The following PEX14 variants were observed in gnomAD, a reference collection of about 807,000 sequenced individuals.
The protein encoded by PEX14 is peroxisomal membrane protein PEX14.
A neutral mutation model predicts 49.5 loss-of-function variants in PEX14; 15 were observed. The ratio of observed to expected loss-of-function variants is 0.30; its 90% CI spans 0.20 to 0.47. The LOEUF (loss-of-function observed/expected upper bound fraction) is 0.47. Among genes scored for constraint, PEX14 ranks in the 20% least tolerant of loss-of-function variants. The pLI, the probability that PEX14 is intolerant of heterozygous loss-of-function variation, is 1.00. For missense variants in PEX14, 398 were observed against 494.8 expected (o/e 0.80, Z 1.86); for synonymous variants, 210 against 212.7 (o/e 0.99, Z 0.11).
At chr1:10,479,213 C>A (rs1641244200) in intron 1 of PEX14, among the ~76,000 whole-genome samples, 1 of 151,894 alleles carries the variant, frequency 6.6e-6, no homozygotes, top group Admixed American at 6.6e-5. Context: ...CTCGTTCCTA[C>A]TGAAAATTAA....
chr1:10,566,659 T>TTTTG (rs773016740), intron 3 of PEX14, among the ~76,000 whole-genome samples: 17 of 152,146 alleles, frequency 1.1e-4, no homozygotes, highest in East Asian at 5.8e-4. Context: ...TGGCTAATTT[T>TTTTG]TTTGTTTGTT....
At chr1:10,576,236 G>C (rs1247338544) in intron 3 of PEX14, among the ~76,000 whole-genome samples, 1 of 151,830 alleles carries the variant, frequency 6.6e-6, no homozygotes, top group East Asian at 1.9e-4. Context: ...CCAATCTTCT[G>C]ATATTTCCTC....
chr1:10,624,999 T>C (rs1409870519), intron 7 of PEX14, among the ~76,000 whole-genome samples: 2 of 152,076 alleles, frequency 1.3e-5, no homozygotes, highest in African/African-American at 4.8e-5. Context: ...TGTGAAGAAA[T>C]CTTGGCGTGG....
chr1:10,548,144 G>A (rs1243731080), intron 3 of PEX14, among the ~76,000 whole-genome samples: 1 of 152,248 alleles, frequency 6.6e-6, no homozygotes, highest in Non-Finnish European at 1.5e-5. Flanking sequence ...TTGAACCCTG[G>A]AGGCGGAGGT....
chr1:10,601,109 A>G (rs1171428037), intron 4 of PEX14, among the ~76,000 whole-genome samples: 3 of 152,110 alleles, frequency 2.0e-5, no homozygotes, highest in Non-Finnish European at 4.4e-5. Flanking sequence ...TAAAAATACA[A>G]AAATTAGCTG....
chr1:10,557,062 C>CT (rs200327271), intron 3 of PEX14, among the ~76,000 whole-genome samples: 62 of 149,444 alleles, frequency 4.1e-4, no homozygotes, highest in Admixed American at 1.6e-3. Context: ...TCTCATCTTT[C>CT]TTTTTTTTTT....
At chr1:10,564,071 C>T (rs201749773) in intron 3 of PEX14, among the ~76,000 whole-genome samples, 1 of 151,742 alleles carries the variant, frequency 6.6e-6, no homozygotes, top group East Asian at 1.9e-4. Context: ...AGTAGTTTTC[C>T]TATGTGATGT....
chr1:10,540,793 C>T (rs758661890), intron 3 of PEX14, among the ~76,000 whole-genome samples: 15 of 152,102 alleles, frequency 9.9e-5, no homozygotes, highest in South Asian at 6.2e-4. Flanking sequence ...CCCTTGCTTG[C>T]GTGTGGCCCA....
At chr1:10,525,477 A>G (rs572610205) in intron 2 of PEX14, among the ~76,000 whole-genome samples, 16 of 152,268 alleles carry the variant, frequency 1.1e-4, no homozygotes, top group Middle Eastern at 3.4e-3. Flanking sequence ...GAACCTGACC[A>G]CCAACTTGTC....
chr1:10,624,542 GC>G, intron 7 of PEX14, 105 bp downstream of exon 7: 1 of 785,088 alleles, frequency 1.3e-6, no homozygotes, highest in Non-Finnish European at 2.3e-6. Context: ...GCTGGACTTT[GC>G]CCCAGTCTCA....
At chr1:10,570,368 C>G (rs1417702413) in intron 3 of PEX14, among the ~76,000 whole-genome samples, 2 of 152,074 alleles carry the variant, frequency 1.3e-5, no homozygotes, top group Non-Finnish European at 1.5e-5. Flanking sequence ...TGGTCTTGCT[C>G]TGTCGCCAGG....
intron 4 of PEX14, among the ~76,000 whole-genome samples, chr1:10,609,196 T>C (rs2124618526): frequency 6.6e-6 from 1 of 152,332 alleles, no homozygotes. Context: ...CCAATTTTGG[T>C]GAAGATGAAT....
chr1:10,627,503 G>A, intron 8 of PEX14, 140 bp downstream of exon 8: 3 of 682,956 alleles, frequency 4.4e-6, no homozygotes, highest in Non-Finnish European at 5.4e-6. Flanking sequence ...CTGAGTCTGG[G>A]GCCTTTTGAG....
intron 2 of PEX14, among the ~76,000 whole-genome samples, chr1:10,534,585 G>A (rs1000584071): frequency 6.6e-6 from 1 of 152,092 alleles, no homozygotes; most frequent in African/African-American, 2.4e-5. Context: ...ATCTGGTTGA[G>A]TATGCCGTTT....
chr1:10,570,783 A>G (rs1481614857), intron 3 of PEX14, among the ~76,000 whole-genome samples: 2 of 151,746 alleles, frequency 1.3e-5, no homozygotes, highest in Non-Finnish European at 2.9e-5. Context: ...ACAAAAATCA[A>G]CCAGAAGTAT....
At chr1:10,500,373 CAAAAAAA>C (rs750781683) in intron 2 of PEX14, among the ~76,000 whole-genome samples, 11 of 43,676 alleles carry the variant, frequency 2.5e-4, no homozygotes, top group South Asian at 1.5e-3. Context: ...GATTCTGTCT[CAAAAAAA>C]AAAAAAAAAA....
At chr1:10,540,323 T>A (rs2124489772) in intron 3 of PEX14, among the ~76,000 whole-genome samples, 1 of 152,222 alleles carries the variant, frequency 6.6e-6, no homozygotes, top group South Asian at 2.1e-4. Flanking sequence ...ATTACTTTTC[T>A]TTTTTTTATC....
rs1454475786 is a variant in PEX14, at chr1:10,529,414, C to T, written c.85-6799C>T. Among the ~76,000 whole-genome samples, 1 of 152,250 alleles carries T rather than the reference C, an allele frequency of 6.6e-6. No individual in the cohort carries two copies. The highest frequency in any genetic ancestry group is 1.5e-5 in the Non-Finnish European group (1 of 68,044). On this transcript the variant is annotated intron_variant, in intron 2 of 8. Transcript: ENST00000356607. The surrounding 1 kb of genome is among the most constrained non-coding windows in gnomAD (Gnocchi z 4.2). ...GGACACCTCTCCAAAGTCACCCTTA[C>T]GTCCCTAAGATCACTGTCCCTTGAC...
intron 1 of PEX14, among the ~76,000 whole-genome samples, chr1:10,488,142 G>T (rs1641404704): frequency 6.6e-6 from 1 of 152,094 alleles, no homozygotes; most frequent in South Asian, 2.1e-4. Context: ...TAGATGTGAG[G>T]ATATTAAACT....
Sources: allele counts gnomAD v4.1 joint callset (sites outside exome capture counted in the v4.1 genomes callset), GRCh38; gene constraint gnomAD v4.1.1; non-coding constraint Gnocchi (gnomAD v3.1); transcripts MANE v1.5; gene names NCBI Gene and HGNC (gene_info 2026-07-23, HGNC 2026-07-21).